Variants in RTTN observed in about 807,000 individuals in gnomAD.
The protein encoded by RTTN is rotatin.
In RTTN, 182 loss-of-function variants were observed where a neutral mutation model predicts 269.2. That is an observed-to-expected ratio of 0.68 (90% CI 0.60 to 0.76). The LOEUF (loss-of-function observed/expected upper bound fraction) is 0.76, where lower values mean the gene tolerates loss of function less well. Among genes scored for constraint, RTTN ranks in the 30% least tolerant of loss-of-function variants. The probability of loss-of-function intolerance (pLI) is 0.00; values close to 1 mark genes in which losing one functional copy is unlikely to be tolerated. For synonymous variants in RTTN, 1,006 were observed against 963.5 expected, an observed-to-expected ratio of 1.04 and a Z score of -0.82; for missense variants, 2,545 against 2,608.6, an observed-to-expected ratio of 0.98 and a Z score of 0.53.
chr18:70,193,896 C>T (rs2061741460), intron 7 of RTTN, among the ~76,000 whole-genome samples: 1 of 152,202 alleles, frequency 6.6e-6, no homozygotes, highest in South Asian at 2.1e-4. Context: ...TTAACTATGA[C>T]ATCGAAAGCA....
intron 32 of RTTN, among the ~76,000 whole-genome samples, chr18:70,086,074 G>A (rs2058691576): frequency 6.6e-6 from 1 of 151,982 alleles, no homozygotes. Context: ...AACAAAGCAA[G>A]ATACACTATA....
chr18:70,038,624 C>A (rs1750215173), intron 40 of RTTN, among the ~76,000 whole-genome samples: 3 of 152,200 alleles, frequency 2.0e-5, no homozygotes, highest in Admixed American at 2.0e-4. Context: ...CAAGCCCAGA[C>A]TGCAAAGACT....
intron 3 of RTTN, 131 bp from the exon 4 acceptor site, chr18:70,202,114 T>C (rs1385586546): frequency 5.4e-6 from 3 of 555,380 alleles, no homozygotes; most frequent in Non-Finnish European, 9.2e-6. Context: ...AGTCCAGTTT[T>C]TTTTCTGAAT....
Position 70,043,291 on chromosome 18 carries a change from A to G in RTTN, c.5541+4680T>C, listed in dbSNP as rs184613143. 3.7e-3 allele frequency among the ~76,000 whole-genome samples: 557 copies of G among 152,344 alleles called. 6 individuals carry two copies. The highest frequency in any genetic ancestry group is 0.014 in the Middle Eastern group (4 of 294). On this transcript the variant is annotated intron_variant, in intron 40 of 48. Transcript: ENST00000640769. ...GCAAACAAAAGCTGTGCAAGAAAAG[A>G]AAGTTAAACACTCTGCAACACGGTT...
chr18:70,146,329 G>A (rs761086186), intron 17 of RTTN, among the ~76,000 whole-genome samples: 1 of 152,148 alleles, frequency 6.6e-6, no homozygotes, highest in Non-Finnish European at 1.5e-5. Context: ...TCAGCTGAGT[G>A]GGGAGGTGGG....
chr18:70,203,849 T>A (rs895567103), intron 3 of RTTN, among the ~76,000 whole-genome samples: 1 of 152,156 alleles, frequency 6.6e-6, no homozygotes, highest in African/African-American at 2.4e-5. Flanking sequence ...ACTGGCCTCA[T>A]AAAAGCAAAG....
chr18:70,127,327 T>C (rs1342014168), intron 25 of RTTN, among the ~76,000 whole-genome samples, 175 bp downstream of exon 25: 2 of 152,172 alleles, frequency 1.3e-5, no homozygotes, highest in African/African-American at 4.8e-5. Context: ...AACAATGCAA[T>C]AACTAAATTA....
chr18:70,156,324 C>T (rs1346283942), intron 14 of RTTN, among the ~76,000 whole-genome samples: 2 of 152,108 alleles, frequency 1.3e-5, no homozygotes, highest in Non-Finnish European at 2.9e-5. Flanking sequence ...GTGAAATAAG[C>T]CCCAGTCTCC....
intron 18 of RTTN, 99 bp downstream of exon 18, chr18:70,145,513 T>A: frequency 1.2e-6 from 1 of 835,404 alleles, no homozygotes; most frequent in Non-Finnish European, 1.8e-6. Flanking sequence ...CTTCTCTCCC[T>A]CCCCAGGACA....
chr18:70,025,573 C>T (rs936258760), intron 43 of RTTN, among the ~76,000 whole-genome samples: 10 of 152,126 alleles, frequency 6.6e-5, no homozygotes, highest in African/African-American at 2.4e-4. Context: ...GAAGTGATTC[C>T]CAATGTTCAA....
At position 70,134,496 on chromosome 18, in the gene RTTN, A is replaced by C. The variant is rs774025675; in HGVS notation, c.2931T>G (p.Ser977Arg). ...ACCTTCTAAAAACGGAAACAGGCAA[A>C]CTGAAGACCGATGGCAAAGAAGGTT... is the stretch of plus-strand genomic sequence containing the variant. ...SNKPSLPSVF[S>R]LPVSVFRRYH... Residue 977 changes from serine to arginine, a missense_variant, in exon 23 of 49, where the codon AGT becomes AGG. Transcript: ENST00000640769. The C allele has an allele frequency of 1.2e-6, 2 of 1,610,408 alleles. No individual in the cohort carries two copies. Among genetic ancestry groups the C allele is most frequent in the East Asian group, 4.5e-5 (2 of 44,752 alleles).
chr18:70,101,096 G>A (rs1481094006), intron 28 of RTTN, among the ~76,000 whole-genome samples: 2 of 152,224 alleles, frequency 1.3e-5, no homozygotes. Flanking sequence ...CTCATAAAAT[G>A]AGTTAGGGAG....
chr18:70,205,505 C>G, intron 1 of RTTN, 123 bp downstream of exon 1: 1 of 1,424,016 alleles, frequency 7.0e-7, no homozygotes, highest in South Asian at 1.2e-5. Context: ...GCTATCCTGA[C>G]AAAGCGGGGG....
intron 30 of RTTN, among the ~76,000 whole-genome samples, chr18:70,090,285 T>C (rs1339511748): frequency 6.6e-6 from 1 of 151,540 alleles, no homozygotes; most frequent in Non-Finnish European, 1.5e-5. Flanking sequence ...CTGAGCCCTA[T>C]AACTACTATG....
In RTTN at chr18:70,114,523, GC is replaced by G; in HGVS notation, c.3604del (p.Ala1202LeufsTer10). On this transcript the variant is annotated frameshift_variant, in exon 27 of 49. Transcript: ENST00000640769. LOFTEE classifies it high-confidence loss of function. Reference sequence around the variant, plus strand: ...TTCTTTCTGAAGTTGTTGCCTGACAGCAGTCCGGATATCATCTGTTTCTTCT... The same window carrying G: ...TTCTTTCTGAAGTTGTTGCCTGACAGAGTCCGGATATCATCTGTTTCTTCT... ...AREETDDIRT[A>X]VRQQLQKELI... 1 of 1,613,676 alleles carries G rather than the reference GC, an allele frequency of 6.2e-7. No homozygotes were observed. The highest frequency in any genetic ancestry group is 1.3e-5 in the African/African-American group (1 of 75,044).
At chr18:70,172,317 C>A (rs908321331) in intron 11 of RTTN, among the ~76,000 whole-genome samples, 4 of 152,152 alleles carry the variant, frequency 2.6e-5, no homozygotes, top group African/African-American at 7.2e-5. Context: ...TATTTTCCAA[C>A]ATCCAAACTA....
chr18:70,015,620 T>A (rs1361176411), intron 46 of RTTN, among the ~76,000 whole-genome samples: 2 of 152,124 alleles, frequency 1.3e-5, no homozygotes. Context: ...CCCACTGATC[T>A]CTAGTCTGTG....
At chr18:70,148,409 G>A (rs1450020050) in intron 17 of RTTN, among the ~76,000 whole-genome samples, 2 of 152,090 alleles carry the variant, frequency 1.3e-5, no homozygotes, top group Non-Finnish European at 2.9e-5. Context: ...GTCAAAGAAA[G>A]GATATGTTTT....
chr18:70,114,580 T>C lies in RTTN; in HGVS notation c.3548A>G (p.Asp1183Gly). The change falls in exon 27 of 49, where the codon GAC becomes GGC. Residue 1183 changes from aspartate (D) to glycine (G), a missense_variant. Physicochemically the swap from Asp to Gly is moderately conservative, Grantham distance 94 (BLOSUM62 -1). Coordinates refer to ENST00000640769, the MANE Select transcript of RTTN (RefSeq NM_173630.4). ...LLRHSANPLL[D>G]LLVLTESQAR... ...CTGTGACTCTGTCAGAACCAAGAGGTCTAACAGTGGGTTTGCACTCTAAAA... is the reference window on the plus strand; with the variant it reads ...CTGTGACTCTGTCAGAACCAAGAGGCCTAACAGTGGGTTTGCACTCTAAAA... The C allele has an allele frequency of 6.2e-7, 1 of 1,613,162 alleles. No individual in the cohort carries two copies. Among genetic ancestry groups the C allele is most frequent in the Non-Finnish European group, 8.5e-7 (1 of 1,179,498 alleles).
Sources: gnomAD v4.1 joint callset for allele counts (sites outside exome capture counted in the v4.1 genomes callset) on GRCh38, gnomAD v4.1.1 for gene constraint, MANE v1.5 for transcripts, NCBI Gene and HGNC (gene_info 2026-07-23, HGNC 2026-07-21) for gene names.